Variants in DNAH12 observed in about 807,000 individuals in gnomAD.
The protein encoded by DNAH12 is dynein axonemal heavy chain 12, also known as axonemal beta dynein heavy chain 12.
In DNAH12, 285 loss-of-function variants were observed where a neutral mutation model predicts 371.5. The ratio of observed to expected loss-of-function variants is 0.77; its 90% CI spans 0.70 to 0.85. The LOEUF (loss-of-function observed/expected upper bound fraction) is 0.85, where lower values mean the gene tolerates loss of function less well. Among genes scored for constraint, DNAH12 ranks in the 40% least tolerant of loss-of-function variants. DNAH12 has a pLI of 0.00. For synonymous variants in DNAH12, 1,200 were observed against 1,213.0 expected (o/e 0.99, Z 0.22); for missense variants, 3,611 against 3,689.4 (o/e 0.98, Z 0.55).
chr3:57,394,102 A>G (rs1467188155), intron 44 of DNAH12, 69 bp downstream of exon 44: 2 of 152,198 alleles, frequency 1.3e-5, no homozygotes, highest in African/African-American at 4.8e-5. Flanking sequence ...TTTATCCTGA[A>G]GAGCAGAGAA....
At position 57,296,732 on chromosome 3, in the gene DNAH12, C is replaced by T. The variant is rs2061241383; in HGVS notation, c.11532+115G>A. The T allele has an allele frequency of 6.6e-6, 8 of 1,217,610 alleles. No individual in the cohort carries two copies. The East Asian group carries it at 2.1e-4, about 31-fold the overall frequency. The allele number at this position is 1,217,610 out of a possible 1,614,324, so 75.4% of individuals were successfully genotyped here. A position where few individuals can be genotyped will look rare whatever the true frequency, so the allele number is the denominator to read the frequency against. The stretch of plus-strand genomic sequence containing the variant: ...TCTAAGGGATAGCAAGACAAATATT[C>T]TTACAACACAAAGAATGAAGTAAAA... On this transcript the variant is annotated intron_variant, in intron 71 of 73. Transcript: ENST00000495027.
intron 4 of DNAH12, 80 bp from the exon 5 acceptor site, chr3:57,511,059 C>T (rs1392789819): frequency 3.9e-6 from 4 of 1,016,400 alleles, no homozygotes; most frequent in South Asian, 4.9e-5. Flanking sequence ...CTTCCTAAGA[C>T]AACATTTTTT....
intron 60 of DNAH12, among the ~76,000 whole-genome samples, chr3:57,335,644 C>T (rs1178995518): frequency 2.0e-5 from 3 of 152,184 alleles, no homozygotes; most frequent in East Asian, 1.9e-4. Flanking sequence ...TGTATCTAAA[C>T]GTAGAAAAGA....
At position 57,296,863 on chromosome 3, in the gene DNAH12, A is replaced by C; in HGVS notation, c.11516T>G (p.Leu3839Arg). Residue 3839 changes from leucine (L) to arginine (R), a missense_variant, in exon 71 of 74, where the codon CTA becomes CGA. This residue lies in a region of DNAH12 where 2,266 missense variants were observed against 2,236.9 expected (regional missense o/e 1.01). Coordinates refer to ENST00000495027, the MANE Select transcript of DNAH12 (RefSeq NM_001366028.2). ...TTACTATACCTCAAATTCATATCCT[A>C]GCAAATCAATAGGGGTGGTATATTT... is the stretch of plus-strand genomic sequence containing the variant. ...ARKYTTPIDL[L>R]GYEFEVIPSD... The C allele has an allele frequency of 2.6e-6, 4 of 1,551,594 alleles. No homozygotes were observed. Among genetic ancestry groups the C allele is most frequent in the Non-Finnish European group, 3.5e-6 (4 of 1,146,962 alleles).
intron 25 of DNAH12, among the ~76,000 whole-genome samples, chr3:57,449,517 G>C (rs2065674935): frequency 6.6e-6 from 1 of 152,254 alleles, no homozygotes; most frequent in South Asian, 2.1e-4. Context: ...GGCCCGGTGA[G>C]AAATCGAGCG....
chr3:57,408,412 G>T lies in DNAH12; in HGVS notation c.6144C>A (p.Cys2048Ter). ...TTTCATCACTAAAAGAATTAATACT[G>T]CAGATGTTGAAATGTCGAATACAAC... ...TPRCIRHFNI[C>*]SINSFSDETM... Residue 2048 changes from cysteine (C) to a stop codon, truncating the protein, a stop_gained, in exon 40 of 74, where the codon TGC (cysteine) becomes TGA (stop). Coordinates refer to ENST00000495027, the MANE Select transcript of DNAH12 (RefSeq NM_001366028.2). LOFTEE classifies it high-confidence loss of function. The T allele has an allele frequency of 6.4e-7, 1 of 1,551,522 alleles. No homozygotes were observed. Among genetic ancestry groups the T allele is most frequent in the Non-Finnish European group, 8.7e-7 (1 of 1,146,902 alleles).
intron 58 of DNAH12, among the ~76,000 whole-genome samples, chr3:57,361,444 C>CACACTATATATATATATATATATA (rs1409626573): frequency 1.3e-4 from 15 of 116,690 alleles, no homozygotes; most frequent in African/African-American, 5.1e-4. Flanking sequence ...CACACACACA[C>CACACTATATATATATATATATATA]TATATATATA....
intron 4 of DNAH12, among the ~76,000 whole-genome samples, chr3:57,518,279 C>A (rs2068274863): frequency 1.3e-5 from 2 of 152,156 alleles, no homozygotes; most frequent in African/African-American, 2.4e-5. Flanking sequence ...AACCCCAGCA[C>A]TTTGGGAAGC....
chr3:57,516,041 G>T, intron 4 of DNAH12, among the ~76,000 whole-genome samples: 1 of 111,344 alleles, frequency 9.0e-6, no homozygotes, highest in Admixed American at 1.0e-4. Context: ...CTCCATTAAT[G>T]TACTGCTTAG....
chr3:57,500,051 T>G (rs1200103869), intron 11 of DNAH12, among the ~76,000 whole-genome samples: 1 of 151,762 alleles, frequency 6.6e-6, no homozygotes, highest in Non-Finnish European at 1.5e-5. Flanking sequence ...TTACCTTTTT[T>G]TTTTTTTGAG....
chr3:57,362,511 C>T (rs2062958699), intron 58 of DNAH12, among the ~76,000 whole-genome samples: 2 of 152,230 alleles, frequency 1.3e-5, no homozygotes, highest in African/African-American at 4.8e-5. Context: ...TATTTCTCCA[C>T]ATCCTCTCCA....
At chr3:57,449,604 T>C (rs1286332680) in intron 25 of DNAH12, among the ~76,000 whole-genome samples, 2 of 152,224 alleles carry the variant, frequency 1.3e-5, no homozygotes, top group Admixed American at 6.5e-5. Context: ...AAGTCCCTCA[T>C]TGCCCGGGGC....
chr3:57,300,569 C>T (rs1257944589), intron 70 of DNAH12, among the ~76,000 whole-genome samples: 1 of 151,960 alleles, frequency 6.6e-6, no homozygotes, highest in Non-Finnish European at 1.5e-5. Flanking sequence ...ATCACACATA[C>T]TAAAGAAGCA....
chr3:57,551,037 T>C, the DNAH12 span, among the ~76,000 whole-genome samples: 1 of 148,826 alleles, frequency 6.7e-6, no homozygotes, highest in East Asian at 2.1e-4. Flanking sequence ...GCTAATTTCT[T>C]TTGTATTTTT....
intron 62 of DNAH12, among the ~76,000 whole-genome samples, chr3:57,325,725 G>A (rs558913643): frequency 6.6e-6 from 1 of 152,342 alleles, no homozygotes; most frequent in African/African-American, 2.4e-5. Context: ...GACGGAGAGT[G>A]ACTTTGACGA....
At chr3:57,508,226 C>T (rs1339793249) in intron 7 of DNAH12, among the ~76,000 whole-genome samples, 156 bp downstream of exon 7, 1 of 150,880 alleles carries the variant, frequency 6.6e-6, no homozygotes, top group African/African-American at 2.4e-5. Context: ...CAAAAAAAAC[C>T]CACACAATTG....
chr3:57,384,189 CTTTAAG>C (rs1273004917), intron 49 of DNAH12, among the ~76,000 whole-genome samples: 1 of 152,116 alleles, frequency 6.6e-6, no homozygotes, highest in African/African-American at 2.4e-5. Context: ...TGGAAATGGC[CTTTAAG>C]TTTTTCTGTG....
At chr3:57,528,207 T>C (rs2068716146) in intron 2 of DNAH12, among the ~76,000 whole-genome samples, 1 of 151,704 alleles carries the variant, frequency 6.6e-6, no homozygotes, top group African/African-American at 2.4e-5. Context: ...TTTGTATTTT[T>C]AGTAGAGACA....
intron 25 of DNAH12, among the ~76,000 whole-genome samples, chr3:57,451,986 C>T (rs1357154002): frequency 6.6e-6 from 1 of 152,196 alleles, no homozygotes; most frequent in African/African-American, 2.4e-5. Flanking sequence ...AAGTCACTCA[C>T]TTGGGCCTCC....
Sources: allele counts gnomAD v4.1 joint callset (sites outside exome capture counted in the v4.1 genomes callset), GRCh38; gene constraint gnomAD v4.1.1; regional missense constraint gnomAD v4.1.1; transcripts MANE v1.5; gene names NCBI Gene and HGNC (gene_info 2026-07-23, HGNC 2026-07-21).